Variants in KIF26B observed in about 807,000 individuals in gnomAD.
KIF26B encodes kinesin-like protein KIF26B.
In KIF26B, 63 loss-of-function variants were observed where a neutral mutation model predicts 151.2. The observed-to-expected ratio is 0.42, with a 90% confidence interval of 0.34 to 0.51. The LOEUF is 0.51. Ranked by LOEUF, KIF26B falls within the 20% of genes least tolerant of loss-of-function variation. The pLI, the probability that KIF26B is intolerant of heterozygous loss-of-function variation, is 0.07. For missense variants in KIF26B, 2,813 were observed against 2,913.6 expected (o/e 0.97, Z 0.79); for synonymous variants, 1,357 against 1,262.1 (o/e 1.08, Z -1.59).
chr1:245,279,903 G>C (rs1164289704), intron 2 of KIF26B, among the ~76,000 whole-genome samples: 2 of 151,792 alleles, frequency 1.3e-5, no homozygotes, highest in Non-Finnish European at 2.9e-5. Context: ...TAAATCTTTA[G>C]CTTCATTGAT....
At chr1:245,501,152 G>A (rs1210849649) in intron 4 of KIF26B, among the ~76,000 whole-genome samples, 7 of 152,196 alleles carry the variant, frequency 4.6e-5, no homozygotes, top group Non-Finnish European at 1.0e-4. Context: ...ATTTACTCGA[G>A]GCAATCTGGT....
At chr1:245,385,808 C>T (rs192246434) in intron 3 of KIF26B, among the ~76,000 whole-genome samples, 43 of 152,230 alleles carry the variant, frequency 2.8e-4, no homozygotes, top group African/African-American at 9.9e-4. Flanking sequence ...GTTGGCAGAC[C>T]GCTGGCTTAG....
chr1:245,178,093 A>G (rs1668841384), intron 2 of KIF26B, among the ~76,000 whole-genome samples: 1 of 152,224 alleles, frequency 6.6e-6, no homozygotes, highest in African/African-American at 2.4e-5. Flanking sequence ...AGTGTATCAA[A>G]TCACAGAGGT....
At chr1:245,294,521 C>T (rs1671305876) in intron 2 of KIF26B, among the ~76,000 whole-genome samples, 1 of 152,186 alleles carries the variant, frequency 6.6e-6, no homozygotes. Flanking sequence ...CAATGTGAAA[C>T]TCAACCAGGT....
intron 2 of KIF26B, among the ~76,000 whole-genome samples, chr1:245,282,053 C>T (rs1283143258): frequency 6.6e-6 from 1 of 152,066 alleles, no homozygotes; most frequent in Non-Finnish European, 1.5e-5. Context: ...TGAAGGACCT[C>T]TTCAAGGAGA....
At chr1:245,254,074 T>A (rs1002621364) in intron 2 of KIF26B, among the ~76,000 whole-genome samples, 7 of 152,200 alleles carry the variant, frequency 4.6e-5, no homozygotes, top group African/African-American at 1.7e-4. Context: ...CCTCCCAAAG[T>A]GCTGGGATTA....
chr1:245,445,149 C>T (rs574093495), intron 4 of KIF26B, among the ~76,000 whole-genome samples: 6 of 152,222 alleles, frequency 3.9e-5, no homozygotes, highest in Admixed American at 3.3e-4. Flanking sequence ...TGTGACTAAG[C>T]GGAGACAAGA....
intron 2 of KIF26B, among the ~76,000 whole-genome samples, chr1:245,169,328 G>GGTGTGTGGGTGGGTGTGT (rs56332945): frequency 7.5e-5 from 10 of 134,178 alleles, no homozygotes; most frequent in Middle Eastern, 3.6e-3. Flanking sequence ...AACGGGCCAT[G>GGTGTGTGGGTGGGTGTGT]GTGTGTGTGT....
At chr1:245,397,379 C>G (rs1673874489) in intron 3 of KIF26B, among the ~76,000 whole-genome samples, 1 of 152,134 alleles carries the variant, frequency 6.6e-6, no homozygotes, top group Non-Finnish European at 1.5e-5. Flanking sequence ...CCACACCCAG[C>G]TAATTTTTGT....
At chr1:245,357,771 G>A (rs1280115971) in intron 2 of KIF26B, among the ~76,000 whole-genome samples, 1 of 152,152 alleles carries the variant, frequency 6.6e-6, no homozygotes, top group Admixed American at 6.5e-5. Context: ...GCTGGTGCTG[G>A]TGCTCCTGGG....
intron 2 of KIF26B, among the ~76,000 whole-genome samples, chr1:245,224,142 G>A (rs1408578988): frequency 1.3e-5 from 2 of 152,116 alleles, no homozygotes; most frequent in Non-Finnish European, 2.9e-5. Context: ...AAAATTAGCC[G>A]GGTGTGGTGG....
intron 3 of KIF26B, among the ~76,000 whole-genome samples, chr1:245,371,015 G>T (rs1673106693): frequency 6.6e-6 from 1 of 152,140 alleles, no homozygotes. Context: ...ATGCAGACAG[G>T]CTCCTAATCC....
At chr1:245,637,176 T>C (rs2043842217) in intron 9 of KIF26B, among the ~76,000 whole-genome samples, 1 of 152,018 alleles carries the variant, frequency 6.6e-6, no homozygotes, top group South Asian at 2.1e-4. Context: ...TCTCCAGCAT[T>C]TGTTTTTTGT....
chr1:245,699,603 T>G (rs2044741521), intron 14 of KIF26B, among the ~76,000 whole-genome samples: 2 of 88,674 alleles, frequency 2.3e-5, no homozygotes, highest in Admixed American at 1.1e-4. Flanking sequence ...CTTTGAAAGG[T>G]GGATTCAATT....
intron 4 of KIF26B, among the ~76,000 whole-genome samples, chr1:245,443,022 CGGTCATCTCCCTCACTGTTCACCTAGAGT>C (rs1277664436): frequency 1.4e-5 from 1 of 69,094 alleles, no homozygotes; most frequent in African/African-American, 6.3e-5. Context: ...TCACCTAGAG[CGGTCATCTCCCTCACTGTTCACCTAGAGT>C]GGTCATCTCC....
At chr1:245,182,857 G>A (rs1431084183) in intron 2 of KIF26B, among the ~76,000 whole-genome samples, 1 of 152,152 alleles carries the variant, frequency 6.6e-6, no homozygotes, top group Admixed American at 6.5e-5. Context: ...GGATGGTCTT[G>A]AACCTCTGAC....
chr1:245,157,319 C>A (rs994351383), intron 2 of KIF26B, among the ~76,000 whole-genome samples: 4 of 152,194 alleles, frequency 2.6e-5, no homozygotes, highest in African/African-American at 7.2e-5. Context: ...TGGCCCGAGC[C>A]CCCAGGGGAT....
intron 4 of KIF26B, among the ~76,000 whole-genome samples, chr1:245,460,727 C>T (rs1198373545): frequency 6.6e-6 from 1 of 152,172 alleles, no homozygotes; most frequent in Non-Finnish European, 1.5e-5. Context: ...GACCTCAGGC[C>T]GTGGTGTGCA....
At chr1:245,485,063 A>G (rs1660251436) in intron 4 of KIF26B, among the ~76,000 whole-genome samples, 1 of 152,342 alleles carries the variant, frequency 6.6e-6, no homozygotes, top group African/African-American at 2.4e-5. Context: ...TCATTCTGAC[A>G]CATGCTACAA....
Sources: gnomAD v4.1 joint callset for allele counts (sites outside exome capture counted in the v4.1 genomes callset) on GRCh38, gnomAD v4.1.1 for gene constraint, MANE v1.5 for transcripts, NCBI Gene and HGNC (gene_info 2026-07-23, HGNC 2026-07-21) for gene names.